The following SSR2 variants were observed in gnomAD, a reference collection of about 807,000 sequenced individuals.
SSR2 encodes signal sequence receptor subunit 2, also known as translocon-associated protein subunit beta.
Under a neutral mutation model 22.6 loss-of-function variants are expected in SSR2, and 16 were observed. The observed-to-expected ratio is 0.71, with a 90% CI of 0.48 to 1.08. The LOEUF is 1.08. SSR2 is among the 50% of genes least tolerant of loss of function. The probability of loss-of-function intolerance (pLI) is 0.00; values close to 1 mark genes in which losing one functional copy is unlikely to be tolerated. For synonymous variants in SSR2, 83 were observed against 91.2 expected (o/e 0.91, Z 0.51); for missense variants, 171 against 221.6 (o/e 0.77, Z 1.45).
intron 3 of SSR2, among the ~76,000 whole-genome samples, chr1:156,016,390 C>T (rs545708870): frequency 1.2e-4 from 18 of 152,050 alleles, no homozygotes; most frequent in East Asian, 3.9e-4. Context: ...CCCGCCACCA[C>T]GCCTGGCTAA....
intron 1 of SSR2, 109 bp from the exon 2 acceptor site, chr1:156,020,276 G>T: frequency 8.3e-7 from 1 of 1,204,706 alleles, no homozygotes; most frequent in Non-Finnish European, 1.2e-6. Context: ...CAGAACAGCA[G>T]CCCCTTCCAC....
intron 3 of SSR2, among the ~76,000 whole-genome samples, chr1:156,017,198 C>T (rs1435813875): frequency 6.6e-6 from 1 of 152,152 alleles, no homozygotes; most frequent in Non-Finnish European, 1.5e-5. Flanking sequence ...AGGCATGTGC[C>T]ACCGCACCTG....
chr1:156,015,144 A>G lies in SSR2; in HGVS notation c.255-75T>C. The G allele has an allele frequency of 3.6e-6, 4 of 1,102,102 alleles. No individual in the cohort carries two copies. The South Asian group carries it at 5.2e-5, about 14-fold the overall frequency. The allele number at this position is 1,102,102 out of a possible 1,614,324, so 68.3% of individuals were successfully genotyped here. ...GCCTTTCAACCTGTGGACTAAATGC[A>G]CCACTTACAAAACATTTGCCAATAC... On this transcript the variant is annotated intron_variant, in intron 3 of 5. Transcript: ENST00000295702.
chr1:156,013,416 ACT>A (rs1336712181), intron 4 of SSR2: 3 of 152,848 alleles, frequency 2.0e-5, no homozygotes, highest in African/African-American at 2.4e-5. Flanking sequence ...ACAGAGTGAG[ACT>A]CTGTCTCAAA....
rs777440571 is a variant in SSR2, at chr1:156,009,520, G to C, written c.*20C>G. 25 of 1,571,674 alleles carry C rather than the reference G, an allele frequency of 1.6e-5. No individual in the cohort carries two copies. In the East Asian group the frequency reaches 5.6e-4, roughly 35 times the overall value. On this transcript the variant is annotated 3_prime_UTR_variant, in exon 6 of 6. Transcript: ENST00000295702. ...GAGGAGCCTGGATTTCTTGGGAGAG[G>C]AGGGCTGTGGAAGCCCCAATCAGTT...
At chr1:156,018,133 T>C (rs1235287180) in intron 3 of SSR2, 137 bp downstream of exon 3, 20 of 627,612 alleles carry the variant, frequency 3.2e-5, no homozygotes, top group Non-Finnish European at 5.7e-5. Context: ...TACACCAACC[T>C]CTCTTGCTCC....
At chr1:156,011,744 G>C in intron 5 of SSR2, 66 bp downstream of exon 5, 2 of 1,351,656 alleles carry the variant, frequency 1.5e-6, no homozygotes, top group South Asian at 2.3e-5. Context: ...GAAGCCAAGA[G>C]GGTCCAGAAC....
Position 156,011,800 on chromosome 1 carries a change from G to A in SSR2, c.441+10C>T, listed in dbSNP as rs190198059. 2.5e-6 allele frequency: 4 copies of A among 1,611,932 alleles called. No individual in the cohort carries two copies. In the African/African-American group the frequency reaches 5.3e-5, roughly 22 times the overall value. On this transcript the variant is annotated intron_variant, in intron 5 of 5. Coordinates refer to ENST00000295702, the MANE Select transcript of SSR2 (RefSeq NM_003145.4). ...AAGGAACTGATGAGAGAGAACACTA[G>A]AAAGCTTACAAAATGAGGGGAGAAT...
At chr1:156,018,458 G>GTGCTGGGATTA in intron 2 of SSR2, 90 bp from the exon 3 acceptor site, 1 of 980,674 alleles carries the variant, frequency 1.0e-6, no homozygotes, top group Non-Finnish European at 1.5e-6. Context: ...TGTAATCCCA[G>GTGCTGGGATTA]CACTTTTGGG....
Position 156,009,620 on chromosome 1 carries a change from G to A in SSR2, c.472C>T (p.Leu158Phe). 1 of 1,612,788 alleles carries A rather than the reference G, an allele frequency of 6.2e-7. No individual in the cohort carries two copies. The highest frequency in any genetic ancestry group is 8.5e-7 in the Non-Finnish European group (1 of 1,179,436). The change falls in exon 6 of 6, where the codon CTT (leucine) becomes TTT (phenylalanine). Residue 158 changes from leucine to phenylalanine, a missense_variant. Physicochemically the swap from Leu to Phe is conservative, Grantham distance 22 (BLOSUM62 0). Transcript: ENST00000295702. ...AGCAGGGGGATGCCGATGGAGGGAAGGGTCATGACCCCAAAGGCTGCCCAG... is the reference window on the plus strand; with the variant it reads ...AGCAGGGGGATGCCGATGGAGGGAAAGGTCATGACCCCAAAGGCTGCCCAG... ...LDWAAFGVMT[L>F]PSIGIPLLLW...
At chr1:156,015,350 C>T (rs1041558475) in intron 3 of SSR2, among the ~76,000 whole-genome samples, 5 of 149,936 alleles carry the variant, frequency 3.3e-5, no homozygotes, top group Non-Finnish European at 5.9e-5. Context: ...TAATAAAATA[C>T]GAAAAAATTA....
At chr1:156,019,387 A>C in intron 2 of SSR2, 1 of 232,356 alleles carries the variant, frequency 4.3e-6, no homozygotes, top group Non-Finnish European at 9.2e-6. Flanking sequence ...GGAAAATTAC[A>C]CTTTTTTTTT....
chr1:156,019,350 CA>C, intron 2 of SSR2: 2 of 329,630 alleles, frequency 6.1e-6, no homozygotes, highest in South Asian at 2.3e-5. Flanking sequence ...AGAAAGGCAA[CA>C]AAAATGCTCT....
chr1:156,009,279 A>C lies in SSR2; in HGVS notation c.*261T>G. 2.6e-6 allele frequency: 1 copy of C among 383,188 alleles called. No individual in the cohort carries two copies. The highest frequency in any genetic ancestry group is 4.7e-6 in the Non-Finnish European group (1 of 213,464). The allele number at this position is 383,188 out of a possible 1,614,324, so 23.7% of individuals were successfully genotyped here. A position where few individuals can be genotyped will look rare whatever the true frequency, so the allele number is the denominator to read the frequency against. On this transcript the variant is annotated 3_prime_UTR_variant, in exon 6 of 6. Transcript: ENST00000295702. ...TAAACCAACAGCACCTCAGTGGGGC[A>C]TCAGAGGGCCCTCTAGGCTCAAGGC...
chr1:156,014,791 C>T (rs1683027241), intron 4 of SSR2, 170 bp downstream of exon 4: 3 of 562,008 alleles, frequency 5.3e-6, no homozygotes, highest in Non-Finnish European at 3.3e-6. Flanking sequence ...ATCTGCCCAC[C>T]TCGGCCTCCA....
intron 1 of SSR2, chr1:156,020,481 T>C (rs796266394): frequency 1.6e-5 from 5 of 312,898 alleles, no homozygotes; most frequent in African/African-American, 1.1e-4. Context: ...TTCCTTGGGG[T>C]GCCTGATTTC....
intron 3 of SSR2, among the ~76,000 whole-genome samples, chr1:156,015,526 A>AG (rs1683040493): frequency 8.3e-6 from 1 of 121,028 alleles, no homozygotes; most frequent in African/African-American, 3.2e-5. Flanking sequence ...AAAAAAAAAA[A>AG]AAAAAAAAAA....
At chr1:156,012,643 C>T in intron 4 of SSR2, 8 of 449,754 alleles carry the variant, frequency 1.8e-5, no homozygotes, top group South Asian at 9.4e-5. Context: ...TTATGAAAAA[C>T]GAAAATGCAG....
chr1:156,019,314 A>G, intron 2 of SSR2: 1 of 424,214 alleles, frequency 2.4e-6, no homozygotes, highest in Non-Finnish European at 4.7e-6. Flanking sequence ...AATACAGAGG[A>G]GAAAGTTATA....
Sources: gnomAD v4.1 joint callset for allele counts (sites outside exome capture counted in the v4.1 genomes callset) on GRCh38, gnomAD v4.1.1 for gene constraint, MANE v1.5 for transcripts, NCBI Gene and HGNC (gene_info 2026-07-23, HGNC 2026-07-21) for gene names.